The following RARRES1 variants were observed in gnomAD, a reference collection of about 807,000 sequenced individuals.
RARRES1 encodes retinoic acid receptor responder 1.
Under a neutral mutation model 30.6 loss-of-function variants are expected in RARRES1, and 34 were observed. The ratio of observed to expected loss-of-function variants is 1.11; its 90% CI spans 0.84 to 1.48. The LOEUF is 1.48. RARRES1 is among the 40% of genes most tolerant of loss of function. The pLI is 0.00. For synonymous variants in RARRES1, 153 were observed against 155.5 expected, an observed-to-expected ratio of 0.98 and a Z score of 0.12; for missense variants, 373 against 386.5, an observed-to-expected ratio of 0.97 and a Z score of 0.29.
chr3:158,732,038 G>A, intron 1 of RARRES1, 102 bp downstream of exon 1: 1 of 1,144,412 alleles, frequency 8.7e-7, no homozygotes, highest in Non-Finnish European at 1.1e-6. Flanking sequence ...CTTCCCTGGC[G>A]GACCATCCGT....
chr3:158,719,106 G>T (rs1162017477), intron 1 of RARRES1, among the ~76,000 whole-genome samples: 1 of 151,928 alleles, frequency 6.6e-6, no homozygotes, highest in African/African-American at 2.4e-5. Context: ...TATTTAATAA[G>T]AAAAAGCAAG....
At chr3:158,716,735 T>A (rs1461712578) in intron 1 of RARRES1, among the ~76,000 whole-genome samples, 1 of 151,986 alleles carries the variant, frequency 6.6e-6, no homozygotes, top group Admixed American at 6.6e-5. Context: ...AGGTGCACGC[T>A]GCCACACCTG....
chr3:158,712,206 C>T (rs113548710), intron 2 of RARRES1, among the ~76,000 whole-genome samples: 4,169 of 152,184 alleles, frequency 0.027, 179 homozygotes, highest in African/African-American at 0.097. Flanking sequence ...CTTCTTTTTA[C>T]TTTTGTGGTT....
Position 158,732,177 on chromosome 3 carries a change from A to G in RARRES1, c.239T>C (p.Leu80Pro), listed in dbSNP as rs926588152. The change falls in exon 1 of 6, where the codon CTA becomes CCA. Residue 80 changes from leucine (L) to proline (P), a missense_variant. Coordinates refer to ENST00000237696, the MANE Select transcript of RARRES1 (RefSeq NM_206963.2). Reference sequence around the variant, plus strand: ...CTCCTGCACCTCGGCCAGCACTCGTAGCGCGCTGGGCGAGCCGGACCGGAA... The same window carrying G: ...CTCCTGCACCTCGGCCAGCACTCGTGGCGCGCTGGGCGAGCCGGACCGGAA... ...FNFRSGSPSA[L>P]RVLAEVQEGR... 13 of 1,415,074 alleles carry G rather than the reference A, an allele frequency of 9.2e-6. No homozygotes were observed. The African/African-American group carries it at 1.7e-4, about 18-fold the overall frequency. 87.7% of individuals were successfully genotyped at this position (1,415,074 alleles called of 1,614,324 possible). A position where few individuals can be genotyped will look rare whatever the true frequency, so the allele number is the denominator to read the frequency against.
intron 1 of RARRES1, among the ~76,000 whole-genome samples, chr3:158,731,271 T>A (rs1194316648): frequency 6.6e-6 from 1 of 152,226 alleles, no homozygotes; most frequent in East Asian, 1.9e-4. Flanking sequence ...ACCTATTTAT[T>A]AAATACATGC....
At chr3:158,708,395 A>G (rs2108136279) in intron 3 of RARRES1, among the ~76,000 whole-genome samples, 1 of 152,302 alleles carries the variant, frequency 6.6e-6, no homozygotes, top group African/African-American at 2.4e-5. Context: ...TGCTGGCAAC[A>G]GTGCTATAGA....
chr3:158,697,517 A>G lies in RARRES1; in HGVS notation c.*161T>C. Reference sequence around the variant, plus strand: ...CAGAGTTAAAAGCTAAAGCAGACTGAGAAACAAAAAACCAACATCTTTGCA... The same window carrying G: ...CAGAGTTAAAAGCTAAAGCAGACTGGGAAACAAAAAACCAACATCTTTGCA... On this transcript the variant is annotated 3_prime_UTR_variant, in exon 6 of 6. Coordinates refer to ENST00000237696, the MANE Select transcript of RARRES1 (RefSeq NM_206963.2). The G allele has an allele frequency of 2.6e-6, 2 of 768,082 alleles. No individual in the cohort carries two copies. The highest frequency in any genetic ancestry group is 4.0e-6 in the Non-Finnish European group (2 of 494,642). 47.6% of individuals were successfully genotyped at this position (768,082 alleles called of 1,614,324 possible).
chr3:158,713,347 C>T (rs747346629), intron 2 of RARRES1, among the ~76,000 whole-genome samples: 6 of 152,142 alleles, frequency 3.9e-5, no homozygotes, highest in Non-Finnish European at 8.8e-5. Flanking sequence ...GGCTGGAGCA[C>T]GTGCTCGTGT....
chr3:158,732,233 C>T lies in RARRES1; in HGVS notation c.183G>A (p.Gln61=). 7.1e-7 allele frequency: 1 copy of T among 1,398,736 alleles called. No individual in the cohort carries two copies. Among genetic ancestry groups the T allele is most frequent in the Non-Finnish European group, 9.2e-7 (1 of 1,084,018 alleles). 86.6% of individuals were successfully genotyped at this position (1,398,736 alleles called of 1,614,324 possible). A position where few individuals can be genotyped will look rare whatever the true frequency, so the allele number is the denominator to read the frequency against. Reference sequence around the variant, plus strand: ...AGAAGTGAAGCGCCGCGCGCGCCGCCTGCTGCAGGAGCCTGCGCGGGACCC... The same window carrying T: ...AGAAGTGAAGCGCCGCGCGCGCCGCTTGCTGCAGGAGCCTGCGCGGGACCC... The part of the protein sequence containing the change: ...DAGVPRRLLQ[Q]AARAALHFFN... The change falls in exon 1 of 6, where the codon CAG becomes CAA. Residue 61 remains glutamine, a synonymous_variant. Coordinates refer to ENST00000237696, the MANE Select transcript of RARRES1 (RefSeq NM_206963.2).
rs1208341213 is a variant in RARRES1 at position 158,710,929 on chromosome 3, A to G, written c.344T>C (p.Leu115Ser). 6.2e-7 allele frequency: 1 copy of G among 1,613,516 alleles called. No individual in the cohort carries two copies. Among genetic ancestry groups the G allele is most frequent in the Non-Finnish European group, 8.5e-7 (1 of 1,179,606 alleles). The change falls in exon 3 of 6, where the codon TTA becomes TCA. Residue 115 changes from leucine to serine, a missense_variant. Leu to Ser is a moderately radical substitution (Grantham distance 145). Transcript: ENST00000237696. ...FSTERYNPESLLQEGEGRLGK... is the reference protein window; with the variant it reads ...FSTERYNPESSLQEGEGRLGK... ...CAAACGTCCCTCACCTTCCTGAAGT[A>G]AAGACTGTGGAGTTAAACAGGATAC...
At position 158,732,150 on chromosome 3, in the gene RARRES1, C is replaced by G. The variant is rs147200147; in HGVS notation, c.266G>C (p.Gly89Ala). 7.2e-7 allele frequency: 1 copy of G among 1,386,850 alleles called. No individual in the cohort carries two copies. The highest frequency in any genetic ancestry group is 9.3e-7 in the Non-Finnish European group (1 of 1,077,970). 85.9% of individuals were successfully genotyped at this position (1,386,850 alleles called of 1,614,324 possible). ...TCGCTCCGCACTCACCCACGCGCGG[C>G]CCTCCTGCACCTCGGCCAGCACTCG... ...ALRVLAEVQEGRAWINPKEGC... is the reference protein window; with the variant it reads ...ALRVLAEVQEARAWINPKEGC... The change falls in exon 1 of 6, where the codon GGC becomes GCC. Residue 89 changes from glycine to alanine, a missense_variant. By Grantham distance (60) the Gly-to-Ala change is moderately conservative. Transcript: ENST00000237696.
chr3:158,699,693 C>T (rs768546949), intron 4 of RARRES1, among the ~76,000 whole-genome samples: 13 of 152,032 alleles, frequency 8.6e-5, no homozygotes, highest in Non-Finnish European at 1.8e-4. Flanking sequence ...TATGATTCTT[C>T]TTGGCAATAG....
intron 1 of RARRES1, among the ~76,000 whole-genome samples, chr3:158,725,763 C>T (rs1727665490): frequency 1.3e-5 from 2 of 152,204 alleles, no homozygotes; most frequent in African/African-American, 2.4e-5. Flanking sequence ...AAAGCTTTAA[C>T]CCCGGGACCT....
chr3:158,702,580 C>A (rs7610009), intron 4 of RARRES1, among the ~76,000 whole-genome samples: 26,904 of 152,150 alleles, frequency 0.18, 2,456 homozygotes, highest in Non-Finnish European at 0.22. Context: ...ATGTGTTGCT[C>A]TATTCCTATT....
At chr3:158,731,793 A>C (rs1727896683) in intron 1 of RARRES1, among the ~76,000 whole-genome samples, 1 of 152,272 alleles carries the variant, frequency 6.6e-6, no homozygotes, top group South Asian at 2.1e-4. Flanking sequence ...ACCTCCGGAC[A>C]AAATTAAATG....
At chr3:158,707,351 G>A (rs1251273144) in intron 3 of RARRES1, among the ~76,000 whole-genome samples, 1 of 152,144 alleles carries the variant, frequency 6.6e-6, no homozygotes, top group East Asian at 1.9e-4. Context: ...TAAGGAAAAA[G>A]AGGGGGTGAT....
Position 158,697,718 on chromosome 3 carries a change from T to C in RARRES1, c.845A>G (p.Glu282Gly). The change falls in exon 6 of 6, where the codon GAA (glutamate) becomes GGA (glycine). Residue 282 changes from glutamate to glycine, a missense_variant. Physicochemically the swap from Glu to Gly is moderately conservative, Grantham distance 98 (BLOSUM62 -2). Transcript: ENST00000237696. ...CTCTGTTGGTACTACAGCTGATCCT[T>C]CTTCAGTTCCGGAGGCTTCTTCTGG... ...QTPEEASGTE[E>G]GSAVVPTELS... is the part of the protein sequence containing the mutation. 1 of 1,613,648 alleles carries C rather than the reference T, an allele frequency of 6.2e-7. No homozygotes were observed. The highest frequency in any genetic ancestry group is 8.5e-7 in the Non-Finnish European group (1 of 1,179,546).
At position 158,732,382 on chromosome 3, in the gene RARRES1, A is replaced by G. The variant is rs754539084; in HGVS notation, c.34T>C (p.Trp12Arg). 2.2e-5 allele frequency: 33 copies of G among 1,501,410 alleles called. No homozygotes were observed. The highest frequency in any genetic ancestry group is 1.0e-4 in the Admixed American group (5 of 48,142). 93.0% of individuals were successfully genotyped at this position (1,501,410 alleles called of 1,614,324 possible). ...GGGCGCGGGCCCCTGGGCCCGGACCAGGGAGCAGGCAGCCGTTGCCGGCGG... is the reference window on the plus strand; with the variant it reads ...GGGCGCGGGCCCCTGGGCCCGGACCGGGGAGCAGGCAGCCGTTGCCGGCGG... ...QPRRQRLPAP[W>R]SGPRGPRPTA... The change falls in exon 1 of 6, where the codon TGG (tryptophan) becomes CGG (arginine). Residue 12 changes from tryptophan to arginine, a missense_variant. By Grantham distance (101) the Trp-to-Arg change is moderately radical. Coordinates refer to ENST00000237696, the MANE Select transcript of RARRES1 (RefSeq NM_206963.2).
intron 3 of RARRES1, among the ~76,000 whole-genome samples, chr3:158,708,852 T>C (rs1313677825): frequency 1.3e-5 from 2 of 151,998 alleles, no homozygotes; most frequent in African/African-American, 4.8e-5. Flanking sequence ...AGAGATGGGG[T>C]TTCACCGTGT....
Sources: gnomAD v4.1 joint callset for allele counts (sites outside exome capture counted in the v4.1 genomes callset) on GRCh38, gnomAD v4.1.1 for gene constraint, MANE v1.5 for transcripts, NCBI Gene and HGNC (gene_info 2026-07-23, HGNC 2026-07-21) for gene names.